FKBP14: variants seen among roughly 807,000 people sequenced by gnomAD.
FKBP14 encodes the protein peptidyl-prolyl cis-trans isomerase FKBP14.
FKBP14 carries 20 observed loss-of-function variants against 21.6 expected under a neutral mutation model. The ratio of observed to expected loss-of-function variants is 0.92; its 90% CI spans 0.65 to 1.34. The LOEUF (loss-of-function observed/expected upper bound fraction) is 1.34, where lower values mean the gene tolerates loss of function less well. Among genes scored for constraint, FKBP14 ranks in the 40% most tolerant of loss-of-function variants. The pLI is 0.00. For synonymous variants in FKBP14, 79 were observed against 86.7 expected (o/e 0.91, Z 0.49); for missense variants, 253 against 249.0 (o/e 1.02, Z -0.11).
Position 30,022,800 on chromosome 7 carries a change from C to T in FKBP14, c.214G>A (p.Gly72Ser), listed in dbSNP as rs1170010658. ...CCCAGGGTAAACCAAATGGGCTGAC[C>T]ATTGTTATGTTTGTGACTATGATAG... ...LFHSTHKHNNGQPIWFTLGIL... is the reference protein window; with the variant it reads ...LFHSTHKHNNSQPIWFTLGIL... The change falls in exon 2 of 4, where the codon GGT becomes AGT. Residue 72 changes from glycine (G) to serine (S), a missense_variant. Coordinates refer to ENST00000222803, the MANE Select transcript of FKBP14 (RefSeq NM_017946.4). The T allele has an allele frequency of 6.2e-7, 1 of 1,613,360 alleles. No individual in the cohort carries two copies. The highest frequency in any genetic ancestry group is 1.7e-5 in the Admixed American group (1 of 59,820).
In FKBP14 at chr7:30,016,496, C is replaced by T. The variant is rs144930316; in HGVS notation, c.478-1603G>A. Among the ~76,000 whole-genome samples the T allele has an allele frequency of 8.5e-3, 1,293 of 152,122 alleles. 20 individuals carry two copies. Among genetic ancestry groups the T allele is most frequent in the African/African-American group, 0.03 (1,244 of 41,506 alleles). On this transcript the variant is annotated intron_variant, in intron 3 of 3. Coordinates refer to ENST00000222803, the MANE Select transcript of FKBP14 (RefSeq NM_017946.4). ...ACAACTTCCAACTCCCAGGTTCAAG[C>T]GATTCACCTGCCTCAGACTCCCTAG...
Position 30,011,549 on chromosome 7 carries a change from C to CACCA in FKBP14, c.*3185_*3186insTGGT, listed in dbSNP as rs1789730141. 8.0e-6 allele frequency: 1 copy of CACCA among 125,406 alleles called. No individual in the cohort carries two copies. Among genetic ancestry groups the CACCA allele is most frequent in the Non-Finnish European group, 1.6e-5 (1 of 60,946 alleles). The allele number at this position is 125,406 out of a possible 1,614,324, so 7.8% of individuals were successfully genotyped here. On this transcript the variant is annotated 3_prime_UTR_variant, in exon 4 of 4. Transcript: ENST00000222803. ...TATACACACACCATATATATATATA[C>CACCA]TATATATATATATACCATATATATG...
intron 2 of FKBP14, 62 bp from the exon 3 acceptor site, chr7:30,019,185 T>G: frequency 6.6e-7 from 1 of 1,509,178 alleles, no homozygotes; most frequent in Non-Finnish European, 8.9e-7. Flanking sequence ...AATAGAAAAT[T>G]TATGGTAATG....
At chr7:30,015,842 G>C (rs1306710990) in intron 3 of FKBP14, among the ~76,000 whole-genome samples, 1 of 151,984 alleles carries the variant, frequency 6.6e-6, no homozygotes, top group East Asian at 1.9e-4. Flanking sequence ...AGCCAGGATG[G>C]TCTCGATCTC....
At chr7:30,019,237 G>C in intron 2 of FKBP14, 114 bp from the exon 3 acceptor site, 1 of 988,442 alleles carries the variant, frequency 1.0e-6, no homozygotes, top group Non-Finnish European at 1.4e-6. Flanking sequence ...GCCTTCCTAA[G>C]ATTGTCATAT....
intron 3 of FKBP14, among the ~76,000 whole-genome samples, chr7:30,016,757 C>A (rs1440230022): frequency 6.6e-6 from 1 of 152,124 alleles, no homozygotes; most frequent in Non-Finnish European, 1.5e-5. Context: ...CCACAAGATT[C>A]ACCACAATGA....
intron 3 of FKBP14, among the ~76,000 whole-genome samples, chr7:30,017,299 G>A (rs910705173): frequency 1.3e-5 from 2 of 152,122 alleles, no homozygotes; most frequent in African/African-American, 4.8e-5. Context: ...GGCCGGATGC[G>A]GTAGCTCACA....
At chr7:30,007,407 A>T (rs192382370), downstream of FKBP14, among the ~76,000 whole-genome samples, 37 of 152,114 alleles carry the variant, frequency 2.4e-4, no homozygotes, top group East Asian at 4.7e-3. Context: ...ACCGGGTTTC[A>T]CCATGTTGAC....
At chr7:30,010,315 C>T (rs182887192), downstream of FKBP14, among the ~76,000 whole-genome samples, 359 of 152,294 alleles carry the variant, frequency 2.4e-3, 4 homozygotes, top group Admixed American at 0.021. Context: ...AAACCAAAAA[C>T]ACTTTCTTCA....
At chr7:30,015,063 A>C (rs1306615095) in intron 3 of FKBP14, among the ~76,000 whole-genome samples, 170 bp from the exon 4 acceptor site, 1 of 152,106 alleles carries the variant, frequency 6.6e-6, no homozygotes, top group Admixed American at 6.6e-5. Context: ...AAATAATAGA[A>C]ACTTTTTCCC....
In FKBP14 at chr7:30,011,021, A is replaced by T. The variant is rs943867509; in HGVS notation, c.*3714T>A. 1 of 151,942 alleles carries T rather than the reference A, an allele frequency of 6.6e-6. No homozygotes were observed. The highest frequency in any genetic ancestry group is 2.1e-4 in the South Asian group (1 of 4,824). The allele number at this position is 151,942 out of a possible 1,614,324, so 9.4% of individuals were successfully genotyped here. ...TACAGTAAGCTAAGGTTAGTTTTTT[A>T]TTATTTCTATAAAAATTATAGAATT... On this transcript the variant is annotated 3_prime_UTR_variant, in exon 4 of 4. Coordinates refer to ENST00000222803, the MANE Select transcript of FKBP14 (RefSeq NM_017946.4).
At position 30,012,642 on chromosome 7, in the gene FKBP14, C is replaced by A. The variant is rs1307913666; in HGVS notation, c.*2093G>T. 1 of 152,122 alleles carries A rather than the reference C, an allele frequency of 6.6e-6. No homozygotes were observed. The highest frequency in any genetic ancestry group is 1.5e-5 in the Non-Finnish European group (1 of 68,012). 9.4% of individuals were successfully genotyped at this position (152,122 alleles called of 1,614,324 possible). ...ATAATTGTTCATAATTCTTTTTAAACAACAAATGGGGGTAAATATGAATGA... is the reference window on the plus strand; with the variant it reads ...ATAATTGTTCATAATTCTTTTTAAAAAACAAATGGGGGTAAATATGAATGA... On this transcript the variant is annotated 3_prime_UTR_variant, in exon 4 of 4. Transcript: ENST00000222803.
intron 2 of FKBP14, among the ~76,000 whole-genome samples, chr7:30,020,743 C>T (rs1471439234): frequency 6.6e-6 from 1 of 152,036 alleles, no homozygotes; most frequent in Non-Finnish European, 1.5e-5. Context: ...AGTGAAACCA[C>T]AGGTAAAGGG....
chr7:30,025,678 T>C (rs775478834), intron 1 of FKBP14: 1 of 152,222 alleles, frequency 6.6e-6, no homozygotes. Flanking sequence ...AGAACAGAAA[T>C]GATAGTGTAA....
rs1223676789 is a variant in FKBP14 at position 30,012,981 on chromosome 7, T to A, written c.*1754A>T. ...TGCTGACCCTGGGCATAACAGTCAA[T>A]CTTTTTGAATGACAATTTCCTCGTC... On this transcript the variant is annotated 3_prime_UTR_variant, in exon 4 of 4. Transcript: ENST00000222803. 4 of 152,164 alleles carry A rather than the reference T, an allele frequency of 2.6e-5. No individual in the cohort carries two copies. Among genetic ancestry groups the A allele is most frequent in the African/African-American group, 9.7e-5 (4 of 41,438 alleles). 9.4% of individuals were successfully genotyped at this position (152,164 alleles called of 1,614,324 possible).
intron 2 of FKBP14, chr7:30,020,304 A>G (rs766366690): frequency 8.4e-5 from 108 of 1,286,478 alleles, no homozygotes; most frequent in Non-Finnish European, 1.1e-4. Context: ...GTACTAAAAG[A>G]CTACAAAATT....
At chr7:30,022,475 C>T (rs1043844783) in intron 2 of FKBP14, 190 bp downstream of exon 2, 2 of 498,494 alleles carry the variant, frequency 4.0e-6, no homozygotes, top group Non-Finnish European at 7.0e-6. Flanking sequence ...CATAGTTGCC[C>T]ATTTAGACAT....
At chr7:30,026,191 T>TA (rs1790166233) in intron 1 of FKBP14, 121 bp downstream of exon 1, 2 of 934,364 alleles carry the variant, frequency 2.1e-6, no homozygotes, top group Non-Finnish European at 3.2e-6. Flanking sequence ...AAGAAGGAAA[T>TA]AAGATATTTC....
At chr7:30,020,192 A>C in intron 2 of FKBP14, 10 of 1,163,986 alleles carry the variant, frequency 8.6e-6, no homozygotes, top group Non-Finnish European at 1.1e-5. Context: ...GAGAAGACTT[A>C]TAAAGTGTGC....
Sources: allele counts gnomAD v4.1 joint callset (sites outside exome capture counted in the v4.1 genomes callset), GRCh38; gene constraint gnomAD v4.1.1; transcripts MANE v1.5; gene names NCBI Gene and HGNC (gene_info 2026-07-23, HGNC 2026-07-21).